USP4: variants seen among roughly 807,000 people sequenced by gnomAD.
USP4 encodes ubiquitin carboxyl-terminal hydrolase 4.
In USP4, 72 loss-of-function variants were observed where a neutral mutation model predicts 118.2. The observed-to-expected ratio is 0.61, with a 90% CI of 0.50 to 0.74. The LOEUF (loss-of-function observed/expected upper bound fraction) is 0.74. Ranked by LOEUF, USP4 falls within the 30% of genes least tolerant of loss-of-function variation. The pLI is 0.00. For synonymous variants in USP4, 415 were observed against 440.4 expected, an observed-to-expected ratio of 0.94 and a Z score of 0.72; for missense variants, 1,037 against 1,185.7, an observed-to-expected ratio of 0.87 and a Z score of 1.84.
intron 6 of USP4, among the ~76,000 whole-genome samples, chr3:49,319,622 T>TTTGC (rs2047478687): frequency 6.7e-6 from 1 of 148,438 alleles, no homozygotes; most frequent in African/African-American, 2.5e-5. Context: ...TGTTTGTTTG[T>TTTGC]TTGTTTTCTG....
At chr3:49,292,710 T>C (rs999068880) in intron 14 of USP4, 112 bp from the exon 15 acceptor site, 30 of 684,902 alleles carry the variant, frequency 4.4e-5, no homozygotes, top group Non-Finnish European at 4.8e-6. Context: ...TGATAGCTAC[T>C]GACAAAGCAA....
intron 6 of USP4, among the ~76,000 whole-genome samples, chr3:49,315,992 T>C (rs1292873036): frequency 1.3e-5 from 2 of 151,982 alleles, no homozygotes; most frequent in African/African-American, 4.8e-5. Flanking sequence ...TCACATGAGG[T>C]TGGGAGTCCG....
intron 15 of USP4, among the ~76,000 whole-genome samples, chr3:49,289,465 G>A (rs1157139425): frequency 1.3e-5 from 2 of 152,202 alleles, no homozygotes; most frequent in African/African-American, 4.8e-5. Context: ...CCCAGGGGCT[G>A]TTCAGAGACC....
At chr3:49,298,781 G>T in intron 11 of USP4, 146 bp from the exon 12 acceptor site, 1 of 687,734 alleles carries the variant, frequency 1.5e-6, no homozygotes, top group Non-Finnish European at 2.6e-6. Flanking sequence ...CAGAAGCAGA[G>T]CAAATAAGCA....
intron 1 of USP4, 93 bp downstream of exon 1, chr3:49,339,831 T>A: frequency 9.8e-7 from 1 of 1,022,884 alleles, no homozygotes; most frequent in Non-Finnish European, 1.5e-6. Context: ...CTACATACCA[T>A]CCCCGCCCAG....
intron 18 of USP4, 98 bp downstream of exon 18, chr3:49,284,368 C>A: frequency 9.2e-7 from 1 of 1,085,362 alleles, no homozygotes; most frequent in Admixed American, 2.1e-5. Flanking sequence ...AGAAGTGACA[C>A]ATCCAAATAC....
chr3:49,316,261 TTAAGA>T (rs1181465829), intron 6 of USP4, among the ~76,000 whole-genome samples: 1 of 152,110 alleles, frequency 6.6e-6, no homozygotes, highest in African/African-American at 2.4e-5. Context: ...GGAATTATAA[TTAAGA>T]TAATGATAAA....
intron 6 of USP4, chr3:49,318,398 C>G (rs2047462956): frequency 1.0e-6 from 1 of 985,402 alleles, no homozygotes; most frequent in African/African-American, 1.7e-5. Flanking sequence ...CCAATCTCTT[C>G]TGGCTCTGGG....
At chr3:49,319,277 C>A (rs1311319060) in intron 6 of USP4, among the ~76,000 whole-genome samples, 1 of 152,106 alleles carries the variant, frequency 6.6e-6, no homozygotes, top group Non-Finnish European at 1.5e-5. Context: ...GAGACGGAGT[C>A]TTGCTCTGTT....
chr3:49,330,190 A>G (rs2047600052), intron 2 of USP4, among the ~76,000 whole-genome samples: 1 of 151,094 alleles, frequency 6.6e-6, no homozygotes, highest in Non-Finnish European at 1.5e-5. Context: ...AAACAAACAA[A>G]CAAACAAACA....
chr3:49,323,149 T>A (rs1166714766), intron 6 of USP4, among the ~76,000 whole-genome samples: 1 of 151,582 alleles, frequency 6.6e-6, no homozygotes, highest in East Asian at 2.0e-4. Context: ...GCATTTTTAG[T>A]AGAGACAGGG....
intron 1 of USP4, among the ~76,000 whole-genome samples, chr3:49,339,688 G>A (rs1408132025): frequency 6.6e-6 from 1 of 152,096 alleles, no homozygotes; most frequent in Non-Finnish European, 1.5e-5. Context: ...CCCTCCTCCT[G>A]GCCCCCGCCG....
At chr3:49,283,231 G>T (rs1038049178) in intron 19 of USP4, among the ~76,000 whole-genome samples, 7 of 148,136 alleles carry the variant, frequency 4.7e-5, no homozygotes, top group South Asian at 4.3e-4. Flanking sequence ...GGCCAGGATG[G>T]TCTCGATCTC....
chr3:49,294,618 G>A lies in USP4; in HGVS notation c.1692-20C>T. 1 of 1,607,666 alleles carries A rather than the reference G, an allele frequency of 6.2e-7. No homozygotes were observed. The highest frequency in any genetic ancestry group is 8.5e-7 in the Non-Finnish European group (1 of 1,176,190). ...TCGTACCTGCGTCAATCACACAAGAGGGCACTTTTAGCAGTAGGTCCTTGT... is the reference window on the plus strand; with the variant it reads ...TCGTACCTGCGTCAATCACACAAGAAGGCACTTTTAGCAGTAGGTCCTTGT... On this transcript the variant is annotated intron_variant, in intron 13 of 21. Coordinates refer to ENST00000265560, the MANE Select transcript of USP4 (RefSeq NM_003363.4).
intron 9 of USP4, among the ~76,000 whole-genome samples, chr3:49,303,647 AAC>A (rs2047282718): frequency 6.6e-6 from 1 of 152,076 alleles, no homozygotes; most frequent in Non-Finnish European, 1.5e-5. Context: ...GCAGATATAT[AAC>A]ACATCCATCA....
intron 18 of USP4, 150 bp downstream of exon 18, chr3:49,284,316 C>A: frequency 1.9e-6 from 2 of 1,034,740 alleles, no homozygotes; most frequent in Non-Finnish European, 2.9e-6. Context: ...TCCTTGGAAA[C>A]CTCAACTCAC....
In USP4 at chr3:49,310,702, T is replaced by G; in HGVS notation, c.872A>C (p.Glu291Ala). 1 of 1,614,052 alleles carries G rather than the reference T, an allele frequency of 6.2e-7. No homozygotes were observed. The highest frequency in any genetic ancestry group is 8.5e-7 in the Non-Finnish European group (1 of 1,180,014). ...SGFSASYNCQEPPSSHIQPGL... is the reference protein window; with the variant it reads ...SGFSASYNCQAPPSSHIQPGL... The stretch of plus-strand genomic sequence containing the variant: ...AGGTTGTATATGAGAGGATGGTGGC[T>G]CCTGACAATTATACGAAGCAGAAAA... The change falls in exon 8 of 22, where the codon GAG (glutamate) becomes GCG (alanine). Residue 291 changes from glutamate (E) to alanine (A), a missense_variant. Coordinates refer to ENST00000265560, the MANE Select transcript of USP4 (RefSeq NM_003363.4).
At chr3:49,288,356 C>T (rs1359809352) in intron 15 of USP4, among the ~76,000 whole-genome samples, 1 of 152,150 alleles carries the variant, frequency 6.6e-6, no homozygotes, top group Non-Finnish European at 1.5e-5. Flanking sequence ...AGCCTTGGGC[C>T]AATGCAGTCA....
intron 20 of USP4, among the ~76,000 whole-genome samples, chr3:49,280,010 C>G (rs2047000903): frequency 6.6e-6 from 1 of 152,164 alleles, no homozygotes; most frequent in African/African-American, 2.4e-5. Context: ...ACCTGTGATC[C>G]CAACACTTTG....
Sources: gnomAD v4.1 joint callset for allele counts (sites outside exome capture counted in the v4.1 genomes callset) on GRCh38, gnomAD v4.1.1 for gene constraint, MANE v1.5 for transcripts, NCBI Gene and HGNC (gene_info 2026-07-23, HGNC 2026-07-21) for gene names.